The following CGGBP1 variants were observed in gnomAD, a reference collection of about 807,000 sequenced individuals.
CGGBP1 encodes the protein CGG triplet repeat-binding protein 1.
A neutral mutation model predicts 11.4 loss-of-function variants in CGGBP1; 4 were observed. The observed-to-expected ratio is 0.35, with a 90% confidence interval of 0.17 to 0.80. The LOEUF is 0.80. CGGBP1 is among the 30% of genes least tolerant of loss of function. CGGBP1 has a pLI of 0.52. For synonymous variants in CGGBP1, 76 were observed against 74.1 expected, an observed-to-expected ratio of 1.03 and a Z score of -0.13; for missense variants, 135 against 202.1, an observed-to-expected ratio of 0.67 and a Z score of 2.01.
At chr3:88,140,783 A>C in intron 2 of CGGBP1, 2 of 1,613,778 alleles carry the variant, frequency 1.2e-6, no homozygotes, top group Non-Finnish European at 1.7e-6. Flanking sequence ...AACATACTTC[A>C]TATGGCTTAA....
intron 2 of CGGBP1, among the ~76,000 whole-genome samples, chr3:88,097,003 T>G (rs1576266961): frequency 6.6e-6 from 1 of 152,198 alleles, no homozygotes; most frequent in South Asian, 2.1e-4. Flanking sequence ...GAAAGAACAC[T>G]GGTCATCACA....
At chr3:88,113,664 A>G (rs552305698) in intron 2 of CGGBP1, among the ~76,000 whole-genome samples, 17 of 152,290 alleles carry the variant, frequency 1.1e-4, no homozygotes, top group African/African-American at 3.4e-4. Context: ...AAAAGAGTCA[A>G]GACCTCTCCT....
chr3:88,105,530 G>A (rs1183697333), intron 2 of CGGBP1, among the ~76,000 whole-genome samples: 2 of 151,960 alleles, frequency 1.3e-5, no homozygotes, highest in African/African-American at 2.4e-5. Context: ...GCCAGATTTT[G>A]GGGGTAGGTT....
chr3:88,102,680 C>T (rs1704495806), intron 2 of CGGBP1, among the ~76,000 whole-genome samples: 1 of 152,148 alleles, frequency 6.6e-6, no homozygotes, highest in Admixed American at 6.6e-5. Context: ...CACAGAAGGT[C>T]ATGATACCAA....
chr3:88,089,306 A>G (rs1199585442), intron 2 of CGGBP1, among the ~76,000 whole-genome samples: 1 of 151,440 alleles, frequency 6.6e-6, no homozygotes, highest in Non-Finnish European at 1.5e-5. Flanking sequence ...CCTAGCCAAC[A>G]TGGTGAAACC....
intron 2 of CGGBP1, among the ~76,000 whole-genome samples, chr3:88,121,905 A>G (rs965792354): frequency 4.1e-4 from 62 of 152,178 alleles, no homozygotes; most frequent in African/African-American, 1.4e-3. Context: ...TTCCATTTAC[A>G]CAGATTTCCA....
chr3:88,060,691 C>T (rs1253053030), upstream of CGGBP1, among the ~76,000 whole-genome samples: 2 of 152,104 alleles, frequency 1.3e-5, no homozygotes, highest in Non-Finnish European at 2.9e-5. Flanking sequence ...CTATTAATTT[C>T]GTTCTGATAA....
chr3:88,141,161 T>G (rs762842950), intron 1 of CGGBP1: 1 of 1,219,146 alleles, frequency 8.2e-7, no homozygotes, highest in African/African-American at 1.5e-5. Flanking sequence ...GCACAGGTAG[T>G]GAAGCATTAC....
chr3:88,109,581 T>C (rs1704965040), intron 2 of CGGBP1, among the ~76,000 whole-genome samples: 1 of 152,126 alleles, frequency 6.6e-6, no homozygotes, highest in South Asian at 2.1e-4. Flanking sequence ...ATTACTAATA[T>C]GCTACAGAAA....
chr3:88,117,611 A>AG (rs1432184037), intron 2 of CGGBP1, among the ~76,000 whole-genome samples: 1 of 152,200 alleles, frequency 6.6e-6, no homozygotes. Context: ...GACTGACCTG[A>AG]GGAAAAAATA....
chr3:88,141,947 T>G (rs1016287026), intron 1 of CGGBP1: 10 of 257,832 alleles, frequency 3.9e-5, no homozygotes, highest in African/African-American at 2.0e-4. Flanking sequence ...GAAACATGTT[T>G]AGGCAACTAG....
At chr3:88,143,243 G>A (rs954436117) in intron 1 of CGGBP1, 20 of 151,728 alleles carry the variant, frequency 1.3e-4, no homozygotes, top group African/African-American at 4.6e-4. Context: ...TTAATTTCCC[G>A]GTTTTATTGG....
chr3:88,149,726 C>T (rs1707375181), exon 1 of CGGBP1: 1 of 187,818 alleles, frequency 5.3e-6, no homozygotes. Flanking sequence ...CCTGCGCAGC[C>T]CTCCAAGGCG....
intron 2 of CGGBP1, chr3:88,139,212 G>A (rs1706975021): frequency 1.4e-6 from 2 of 1,466,138 alleles, no homozygotes; most frequent in South Asian, 1.5e-5. Flanking sequence ...TCCTGATGAT[G>A]TATCTGGAGT....
chr3:88,123,607 A>G (rs1705912552), intron 2 of CGGBP1, among the ~76,000 whole-genome samples: 1 of 152,198 alleles, frequency 6.6e-6, no homozygotes. Flanking sequence ...TTTTTTAAAA[A>G]GAGCTCTAAG....
At chr3:88,097,362 G>T (rs1704124787) in intron 2 of CGGBP1, among the ~76,000 whole-genome samples, 3 of 143,818 alleles carry the variant, frequency 2.1e-5, no homozygotes, top group Non-Finnish European at 3.1e-5. Flanking sequence ...TTTGTCAACA[G>T]TTTTTTTTTT....
intron 2 of CGGBP1, among the ~76,000 whole-genome samples, chr3:88,079,822 G>T (rs1209958628): frequency 6.6e-6 from 1 of 152,082 alleles, no homozygotes; most frequent in Non-Finnish European, 1.5e-5. Context: ...TTAAGGAGTA[G>T]TGAGTTGAAC....
At chr3:88,093,862 G>A (rs1703892862) in intron 2 of CGGBP1, among the ~76,000 whole-genome samples, 1 of 152,092 alleles carries the variant, frequency 6.6e-6, no homozygotes, top group South Asian at 2.1e-4. Flanking sequence ...TTTTTTGCGG[G>A]GGCTGGGCCC....
intron 2 of CGGBP1, chr3:88,129,871 C>T: frequency 7.5e-7 from 1 of 1,336,756 alleles, no homozygotes; most frequent in South Asian, 2.1e-5. Flanking sequence ...AGATGGGCAA[C>T]AGAAAGGAAA....
Sources: gnomAD v4.1 joint callset for allele counts (sites outside exome capture counted in the v4.1 genomes callset) on GRCh38, gnomAD v4.1.1 for gene constraint, MANE v1.5 for transcripts, NCBI Gene and HGNC (gene_info 2026-07-23, HGNC 2026-07-21) for gene names.